The following TXNDC11 variants were observed in gnomAD, a reference collection of about 807,000 sequenced individuals.
TXNDC11 encodes thioredoxin domain containing 11, also known as thioredoxin domain-containing protein 11.
A neutral mutation model predicts 78.0 loss-of-function variants in TXNDC11; 68 were observed. The ratio of observed to expected loss-of-function variants is 0.87; its 90% CI spans 0.72 to 1.07. TXNDC11 has a LOEUF of 1.07. Ranked by LOEUF, TXNDC11 falls within the 50% of genes least tolerant of loss-of-function variation. TXNDC11 has a pLI of 0.00. For missense variants in TXNDC11, 1,389 were observed against 1,221.8 expected, an observed-to-expected ratio of 1.14 and a Z score of -2.04; for synonymous variants, 571 against 495.2, an observed-to-expected ratio of 1.15 and a Z score of -2.03.
rs796169252 is a variant in TXNDC11 at position 11,704,041 on chromosome 16, G to A, written c.794-3477C>T. ...CGGGAGGTGCAGGTTGCAGTGAGCCGAGATTTTGCCATTGCACTCCAGCCT... is the reference window on the plus strand; with the variant it reads ...CGGGAGGTGCAGGTTGCAGTGAGCCAAGATTTTGCCATTGCACTCCAGCCT... On this transcript the variant is annotated intron_variant, in intron 5 of 11. Transcript: ENST00000283033. Among the ~76,000 whole-genome samples the A allele has an allele frequency of 4.6e-5, 7 of 152,258 alleles. No homozygotes were observed. In the East Asian group the frequency reaches 5.8e-4, roughly 13 times the overall value.
At chr16:11,696,568 C>G (rs1185324913) in intron 7 of TXNDC11, among the ~76,000 whole-genome samples, 1 of 152,192 alleles carries the variant, frequency 6.6e-6, no homozygotes, top group African/African-American at 2.4e-5. Flanking sequence ...ATGTGCTGGA[C>G]AGGCACTTTG....
intron 7 of TXNDC11, among the ~76,000 whole-genome samples, chr16:11,694,085 T>C (rs2050791224): frequency 6.7e-6 from 1 of 149,736 alleles, no homozygotes; most frequent in South Asian, 2.1e-4. Context: ...AAGTATTCTG[T>C]CTACAGCAAT....
intron 7 of TXNDC11, 119 bp downstream of exon 7, chr16:11,698,006 G>T: frequency 1.1e-6 from 1 of 932,864 alleles, no homozygotes; most frequent in Non-Finnish European, 1.7e-6. Flanking sequence ...CAGAGCCACA[G>T]CTGCCCCTCG....
chr16:11,738,699 A>T (rs924451557), intron 1 of TXNDC11, among the ~76,000 whole-genome samples: 1 of 152,050 alleles, frequency 6.6e-6, no homozygotes, highest in Non-Finnish European at 1.5e-5. Context: ...GAGATCCAAA[A>T]TTCTGCTCTT....
chr16:11,731,109 C>G (rs2052032335), intron 3 of TXNDC11, among the ~76,000 whole-genome samples: 1 of 152,160 alleles, frequency 6.6e-6, no homozygotes, highest in Non-Finnish European at 1.5e-5. Flanking sequence ...AACAGAGAGA[C>G]AACCCTGGAA....
At chr16:11,727,185 T>A (rs2051907256) in intron 4 of TXNDC11, among the ~76,000 whole-genome samples, 1 of 151,874 alleles carries the variant, frequency 6.6e-6, no homozygotes, top group South Asian at 2.1e-4. Context: ...GACAAATTTA[T>A]AATTAATCAA....
intron 1 of TXNDC11, among the ~76,000 whole-genome samples, chr16:11,741,211 C>T (rs887405730): frequency 2.0e-5 from 3 of 152,208 alleles, no homozygotes; most frequent in Non-Finnish European, 4.4e-5. Context: ...TCTTTGACAA[C>T]TGGCCACATA....
intron 5 of TXNDC11, among the ~76,000 whole-genome samples, chr16:11,709,421 G>GTTTTT (rs1247645639): frequency 1.6e-5 from 1 of 61,144 alleles, no homozygotes; most frequent in South Asian, 4.7e-4. Flanking sequence ...CTAATTTTTT[G>GTTTTT]TATTTTTTTT....
intron 5 of TXNDC11, among the ~76,000 whole-genome samples, chr16:11,716,211 CT>C (rs1251073301): frequency 6.6e-6 from 1 of 152,220 alleles, no homozygotes; most frequent in Non-Finnish European, 1.5e-5. Flanking sequence ...ACTGCAAGTC[CT>C]TTTGTAGATC....
Position 11,731,334 on chromosome 16 carries a change from G to A in TXNDC11, c.570-560C>T, listed in dbSNP as rs533368089. On this transcript the variant is annotated intron_variant, in intron 3 of 11. Transcript: ENST00000283033. ...ATAACAAATTATGTGAAGGTCTGAA[G>A]TCAGTGACCTGTTTAAATAATCTTT... Among the ~76,000 whole-genome samples the A allele has an allele frequency of 1.6e-4, 25 of 152,350 alleles. No individual in the cohort carries two copies. In the East Asian group the frequency reaches 4.6e-3, roughly 28 times the overall value.
intron 1 of TXNDC11, among the ~76,000 whole-genome samples, chr16:11,739,513 G>C (rs1276890474): frequency 2.6e-5 from 4 of 152,112 alleles, no homozygotes; most frequent in African/African-American, 7.2e-5. Flanking sequence ...CTGCACTCCA[G>C]CCGGGGCAAC....
chr16:11,707,481 C>T (rs2051217471), intron 5 of TXNDC11, among the ~76,000 whole-genome samples: 1 of 151,128 alleles, frequency 6.6e-6, no homozygotes, highest in South Asian at 2.1e-4. Flanking sequence ...CAGAGTCTCA[C>T]TTTGTCACCC....
At chr16:11,737,488 G>T (rs942841367) in intron 1 of TXNDC11, among the ~76,000 whole-genome samples, 5 of 150,006 alleles carry the variant, frequency 3.3e-5, no homozygotes, top group African/African-American at 1.2e-4. Flanking sequence ...AACAAGAAAA[G>T]AACAAAAGCC....
intron 7 of TXNDC11, among the ~76,000 whole-genome samples, chr16:11,692,747 A>G (rs535867946): frequency 1.3e-5 from 2 of 152,258 alleles, no homozygotes; most frequent in South Asian, 4.1e-4. Flanking sequence ...TTAAAAATAC[A>G]ACCCCAGGCA....
At chr16:11,685,021 G>A (rs919118333) in intron 10 of TXNDC11, among the ~76,000 whole-genome samples, 9 of 152,334 alleles carry the variant, frequency 5.9e-5, no homozygotes, top group Middle Eastern at 3.4e-3. Flanking sequence ...GTGAGGGTGC[G>A]GTAAGTGTCA....
intron 10 of TXNDC11, among the ~76,000 whole-genome samples, chr16:11,687,185 T>G (rs1008415026): frequency 6.6e-5 from 10 of 152,348 alleles, no homozygotes; most frequent in Admixed American, 4.6e-4. Context: ...GCTTCCACTT[T>G]GGAAAGTTTC....
chr16:11,707,435 GTTTCT>G (rs1282677645), intron 5 of TXNDC11, among the ~76,000 whole-genome samples: 3 of 142,142 alleles, frequency 2.1e-5, no homozygotes, highest in African/African-American at 5.2e-5. Flanking sequence ...AATTTCACCT[GTTTCT>G]TTTATTTTTC....
intron 5 of TXNDC11, among the ~76,000 whole-genome samples, chr16:11,708,552 GGAGACTTCTGCAT>G (rs2051249038): frequency 6.6e-6 from 1 of 152,158 alleles, no homozygotes; most frequent in African/African-American, 2.4e-5. Context: ...CTGCTATCAT[GGAGACTTCTGCAT>G]GAGCTCATCT....
intron 1 of TXNDC11, among the ~76,000 whole-genome samples, chr16:11,736,598 G>A (rs559996454): frequency 4.6e-5 from 7 of 152,328 alleles, no homozygotes; most frequent in African/African-American, 1.7e-4. Context: ...CCACCAGCAT[G>A]CAAGCTCAGA....
Sources: allele counts gnomAD v4.1 joint callset (sites outside exome capture counted in the v4.1 genomes callset), GRCh38; gene constraint gnomAD v4.1.1; transcripts MANE v1.5; gene names NCBI Gene and HGNC (gene_info 2026-07-23, HGNC 2026-07-21).